MYH15: variants seen among roughly 807,000 people sequenced by gnomAD.
MYH15 encodes myosin-15.
A neutral mutation model predicts 240.5 loss-of-function variants in MYH15; 227 were observed. That is an observed-to-expected ratio of 0.94 (90% CI 0.85 to 1.05). The LOEUF is 1.05. Ranked by LOEUF, MYH15 falls within the 50% of genes least tolerant of loss-of-function variation. The pLI is 0.00. For synonymous variants in MYH15, 785 were observed against 796.7 expected (o/e 0.99, Z 0.25); for missense variants, 2,217 against 2,247.5 (o/e 0.99, Z 0.27).
chr3:108,414,591 A>G (rs1466727166), intron 29 of MYH15, among the ~76,000 whole-genome samples, 163 bp from the exon 30 acceptor site: 5 of 152,200 alleles, frequency 3.3e-5, no homozygotes, highest in Non-Finnish European at 7.3e-5. Flanking sequence ...ATTTGAGACA[A>G]GAGAAAGGAT....
At chr3:108,432,509 C>T (rs2082786863) in intron 25 of MYH15, among the ~76,000 whole-genome samples, 1 of 152,166 alleles carries the variant, frequency 6.6e-6, no homozygotes. Context: ...AATGTTAATA[C>T]CCAAGACAAC....
chr3:108,421,330 A>C, intron 27 of MYH15, 116 bp from the exon 28 acceptor site: 1 of 1,221,276 alleles, frequency 8.2e-7, no homozygotes, highest in Non-Finnish European at 1.1e-6. Context: ...TCTGTAGTAA[A>C]GAGCTCAGCC....
At chr3:108,505,062 T>G (rs1234186668) in intron 2 of MYH15, among the ~76,000 whole-genome samples, 1 of 152,236 alleles carries the variant, frequency 6.6e-6, no homozygotes, top group African/African-American at 2.4e-5. Context: ...ATCTCATTCT[T>G]GATCCTACAA....
intron 1 of MYH15, among the ~76,000 whole-genome samples, chr3:108,509,879 G>C (rs1044566804): frequency 2.6e-5 from 4 of 151,978 alleles, no homozygotes; most frequent in African/African-American, 9.7e-5. Context: ...TATGAATCAG[G>C]GTGAGCAAGT....
At chr3:108,459,271 G>T in intron 18 of MYH15, 91 bp downstream of exon 18, 2 of 809,248 alleles carry the variant, frequency 2.5e-6, no homozygotes, top group African/African-American at 1.8e-5. Context: ...TTATATAAAA[G>T]GCACCAATAA....
Position 108,408,158 on chromosome 3 carries a change from G to A in MYH15, c.4620+122C>T, listed in dbSNP as rs566426268. ...ATTAAAATTATGCATTTGGCAGAGT[G>A]CCTAGCATATAGTAAATAAACATTT... On this transcript the variant is annotated intron_variant, in intron 32 of 40. Transcript: ENST00000693548. 14 of 1,116,260 alleles carry A rather than the reference G, an allele frequency of 1.3e-5. No homozygotes were observed. In the South Asian group the frequency reaches 1.9e-4, roughly 15 times the overall value. 69.1% of individuals were successfully genotyped at this position (1,116,260 alleles called of 1,614,324 possible).
At chr3:108,535,705 G>T in the MYH15 span, among the ~76,000 whole-genome samples, 3 of 151,948 alleles carry the variant, frequency 2.0e-5, no homozygotes, top group Non-Finnish European at 2.9e-5. Flanking sequence ...AGTGTTTTTT[G>T]GGGGGTTTTG....
upstream of MYH15, among the ~76,000 whole-genome samples, chr3:108,530,935 G>C (rs762836234): frequency 1.3e-5 from 2 of 152,180 alleles, no homozygotes; most frequent in Non-Finnish European, 2.9e-5. Flanking sequence ...AGTAGAGCAT[G>C]GAATAGCTGT....
At chr3:108,528,197 T>A (rs1576284363) in intron 1 of MYH15, among the ~76,000 whole-genome samples, 1 of 152,202 alleles carries the variant, frequency 6.6e-6, no homozygotes, top group Non-Finnish European at 1.5e-5. Context: ...GTTTTCATTT[T>A]AAATACAATA....
At chr3:108,544,060 T>C in the MYH15 span, among the ~76,000 whole-genome samples, 1 of 152,262 alleles carries the variant, frequency 6.6e-6, no homozygotes, top group African/African-American at 2.4e-5. Flanking sequence ...TTCAGAATGA[T>C]GATTTGTCCT....
At chr3:108,416,278 C>T (rs1375185693) in intron 29 of MYH15, among the ~76,000 whole-genome samples, 1 of 152,070 alleles carries the variant, frequency 6.6e-6, no homozygotes, top group Non-Finnish European at 1.5e-5. Flanking sequence ...TAATAAGATG[C>T]CTTGACTATG....
intron 25 of MYH15, among the ~76,000 whole-genome samples, chr3:108,436,436 A>G (rs2082837103): frequency 6.6e-6 from 1 of 152,256 alleles, no homozygotes; most frequent in Non-Finnish European, 1.5e-5. Flanking sequence ...GAGCATGTAT[A>G]ATAGCATATG....
At position 108,421,201 on chromosome 3, in the gene MYH15, T is replaced by A; in HGVS notation, c.3716A>T (p.Lys1239Ile). 1 of 1,612,610 alleles carries A rather than the reference T, an allele frequency of 6.2e-7. No homozygotes were observed. Among genetic ancestry groups the A allele is most frequent in the Non-Finnish European group, 8.5e-7 (1 of 1,179,786 alleles). The change falls in exon 28 of 41, where the codon AAA becomes ATA. Residue 1239 changes from lysine (K) to isoleucine (I), a missense_variant. By Grantham distance (102) the Lys-to-Ile change is moderately radical. Coordinates refer to ENST00000693548, the MANE Select transcript of MYH15 (RefSeq NM_014981.3). ...QMTRAKANAEKLCTLYEERLH... is the reference protein window; with the variant it reads ...QMTRAKANAEILCTLYEERLH... Reference sequence around the variant, plus strand: ...GCGCTCTTCATATAGAGTACAGAGTTTCTCAGCATTTGCCTATAAGTTGAG... The same window carrying A: ...GCGCTCTTCATATAGAGTACAGAGTATCTCAGCATTTGCCTATAAGTTGAG...
At chr3:108,472,945 T>C (rs1432248132) in intron 12 of MYH15, among the ~76,000 whole-genome samples, 1 of 152,184 alleles carries the variant, frequency 6.6e-6, no homozygotes, top group Non-Finnish European at 1.5e-5. Flanking sequence ...CTTTGGTTAC[T>C]GGGGGGCAAT....
intron 33 of MYH15, among the ~76,000 whole-genome samples, chr3:108,403,164 A>C (rs1423880822): frequency 6.6e-6 from 1 of 151,928 alleles, no homozygotes; most frequent in Non-Finnish European, 1.5e-5. Flanking sequence ...TGTACTTTTC[A>C]CCCCCAACAG....
chr3:108,476,276 G>T, intron 12 of MYH15, 121 bp downstream of exon 12: 5 of 582,894 alleles, frequency 8.6e-6, no homozygotes, highest in Admixed American at 6.1e-5. Flanking sequence ...GCTCTTTTTT[G>T]CTTATTTATA....
chr3:108,529,130 T>C (rs1308213766), intron 1 of MYH15: 6 of 749,590 alleles, frequency 8.0e-6, no homozygotes, highest in Non-Finnish European at 1.3e-5. Context: ...CATCATAGCC[T>C]ATTTTTATAC....
intron 11 of MYH15, among the ~76,000 whole-genome samples, chr3:108,480,964 T>G (rs2083261744): frequency 6.6e-6 from 1 of 152,142 alleles, no homozygotes; most frequent in Non-Finnish European, 1.5e-5. Context: ...TACCAAAGCT[T>G]AATATATTAA....
the MYH15 span, among the ~76,000 whole-genome samples, chr3:108,535,229 C>A: frequency 6.6e-6 from 1 of 152,138 alleles, no homozygotes; most frequent in Non-Finnish European, 1.5e-5. Context: ...TCCATCTGGG[C>A]TGCTATAGTA....
Sources: allele counts gnomAD v4.1 joint callset (sites outside exome capture counted in the v4.1 genomes callset), GRCh38; gene constraint gnomAD v4.1.1; transcripts MANE v1.5; gene names NCBI Gene and HGNC (gene_info 2026-07-23, HGNC 2026-07-21).